The following PARP10 variants were observed in gnomAD, a reference collection of about 807,000 sequenced individuals.
PARP10 encodes protein mono-ADP-ribosyltransferase PARP10.
PARP10 carries 56 observed loss-of-function variants against 82.4 expected under a neutral mutation model. That is an observed-to-expected ratio of 0.68 (90% confidence interval 0.55 to 0.85). The LOEUF (loss-of-function observed/expected upper bound fraction) is 0.85. PARP10 is among the 40% of genes least tolerant of loss of function. The pLI is 0.00. For synonymous variants in PARP10, 576 were observed against 601.1 expected (o/e 0.96, Z 0.61); for missense variants, 1,227 against 1,379.4 (o/e 0.89, Z 1.75).
chr8:143,981,592 A>G (rs1182228454), intron 9 of PARP10, among the ~76,000 whole-genome samples: 64 of 28,382 alleles, frequency 2.3e-3, no homozygotes, highest in African/African-American at 4.2e-3. Flanking sequence ...GGTGGTGGTG[A>G]TGATGGTGGT....
Position 143,985,821 on chromosome 8 carries a change from C to A in PARP10, c.336G>T (p.Leu112Phe). 6.2e-7 allele frequency: 1 copy of A among 1,611,798 alleles called. No homozygotes were observed. The highest frequency in any genetic ancestry group is 8.5e-7 in the Non-Finnish European group (1 of 1,179,570). ...GTACTGGGAGCCCCGAGGCCCGCAG[C>A]AAGGCCTGGACATGCTGCTCCAAGC... ...PQRLEQHVQALLRASGLPVQP... is the reference protein window; with the variant it reads ...PQRLEQHVQAFLRASGLPVQP... The change falls in exon 3 of 11, where the codon TTG becomes TTT. Residue 112 changes from leucine (L) to phenylalanine (F), a missense_variant. By Grantham distance (22) the Leu-to-Phe change is conservative. Transcript: ENST00000313028.
At chr8:143,980,319 CAAAAAAAAAAA>C (rs564801582) in intron 9 of PARP10, among the ~76,000 whole-genome samples, 430 of 16,066 alleles carry the variant, frequency 0.027, 4 homozygotes, top group Non-Finnish European at 0.068. Context: ...GATTCCGTCT[CAAAAAAAAAAA>C]AAAAAAAAAA....
upstream of PARP10, chr8:143,993,293 G>A (rs918860576): frequency 2.0e-5 from 4 of 202,466 alleles, no homozygotes; most frequent in Admixed American, 5.3e-5. Flanking sequence ...GACATGCGGA[G>A]TGGGGGTCTT....
At position 143,984,651 on chromosome 8, in the gene PARP10, C is replaced by T. The variant is rs1554748731; in HGVS notation, c.1351G>A (p.Glu451Lys). The stretch of plus-strand genomic sequence containing the variant: ...TGCAGGAAGCGCATCGCCCCTGGCT[C>T]CATCAATAGCACCATCTCCACCAGG... ...EGLVEMVLLM[E>K]PGAMRFLQLY... Residue 451 changes from glutamate to lysine, a missense_variant, in exon 5 of 11, where the codon GAG becomes AAG. By Grantham distance (56) the Glu-to-Lys change is moderately conservative (BLOSUM62 1). Coordinates refer to ENST00000313028, the MANE Select transcript of PARP10 (RefSeq NM_032789.5). 6.2e-7 allele frequency: 1 copy of T among 1,614,076 alleles called. No homozygotes were observed. Among genetic ancestry groups the T allele is most frequent in the Non-Finnish European group, 8.5e-7 (1 of 1,179,978 alleles).
chr8:144,003,605 C>T (rs1161277048), intron 1 of PARP10, among the ~76,000 whole-genome samples: 1 of 152,128 alleles, frequency 6.6e-6, no homozygotes, highest in Non-Finnish European at 1.5e-5. Flanking sequence ...TGACAGAAAA[C>T]AGTCCCAGGC....
Position 143,983,593 on chromosome 8 carries a change from G to T in PARP10, c.1996C>A (p.Pro666Thr). 6.2e-7 allele frequency: 1 copy of T among 1,605,590 alleles called. No homozygotes were observed. The highest frequency in any genetic ancestry group is 8.5e-7 in the Non-Finnish European group (1 of 1,176,026). ...LQLALHRSLEPQGQVAEQEEA... is the reference protein window; with the variant it reads ...LQLALHRSLETQGQVAEQEEA... ...TCCTGCTCAGCCACCTGACCTTGAG[G>T]CTCCAGTGACCGGTGGAGGGCCAGC... Residue 666 changes from proline (P) to threonine (T), a missense_variant, in exon 8 of 11, where the codon CCT (proline) becomes ACT (threonine). Pro to Thr is a conservative substitution (Grantham distance 38). Coordinates refer to ENST00000313028, the MANE Select transcript of PARP10 (RefSeq NM_032789.5).
At chr8:143,990,894 GC>G (rs1834081290), upstream of PARP10, 1 of 177,044 alleles carries the variant, frequency 5.6e-6, no homozygotes, top group African/African-American at 2.4e-5. This position sits in a 1 kb window ranked among gnomAD's most constrained non-coding sequence, Gnocchi z 5.6. Flanking sequence ...AGCGGCGCAG[GC>G]CTCCGGTTGC....
Position 143,977,595 on chromosome 8 carries a change from G to A in PARP10, c.2967C>T (p.Val989=), listed in dbSNP as rs782290490. ...VDCICQPSIF[V]IFHDTQALPT... ...GCAGCGCCTGGGTGTCGTGGAAGAT[G>A]ACGAAGATGCTGGGCTGGCAGATGC... The change falls in exon 11 of 11, where the codon GTC becomes GTT. Residue 989 remains valine (V), a synonymous_variant. Transcript: ENST00000313028. 3.7e-5 allele frequency: 59 copies of A among 1,582,876 alleles called. No homozygotes were observed. Among genetic ancestry groups the A allele is most frequent in the Non-Finnish European group, 4.6e-5 (54 of 1,165,244 alleles).
chr8:143,979,149 AT>A (rs781823739), intron 9 of PARP10, among the ~76,000 whole-genome samples: 2 of 151,590 alleles, frequency 1.3e-5, no homozygotes, highest in Non-Finnish European at 2.9e-5. Flanking sequence ...TCTTTTTTGT[AT>A]TTTTAGTAGA....
At chr8:143,993,182 A>G, upstream of PARP10, 1 of 317,230 alleles carries the variant, frequency 3.2e-6, no homozygotes, top group Non-Finnish European at 6.0e-6. Flanking sequence ...GGATTGAGCC[A>G]AGAGGTGAGG....
In PARP10 at chr8:143,983,238, T is replaced by C; in HGVS notation, c.2351A>G (p.His784Arg). 1 of 1,613,398 alleles carries C rather than the reference T, an allele frequency of 6.2e-7. No homozygotes were observed. ...GGGGCCAGCCAGAAGTGCCACCAAG[T>C]GGCGGGCAGCACGGGCAGGGTGGGC... ...FGAHPARAARHLVALLAGPWD... is the reference protein window; with the variant it reads ...FGAHPARAARRLVALLAGPWD... Residue 784 changes from histidine to arginine, a missense_variant, in exon 8 of 11, where the codon CAC becomes CGC. By Grantham distance (29) the His-to-Arg change is conservative. Transcript: ENST00000313028.
upstream of PARP10, among the ~76,000 whole-genome samples, chr8:143,988,149 C>CTT (rs370583415): frequency 1.2e-3 from 112 of 91,672 alleles, no homozygotes; most frequent in South Asian, 0.015. Context: ...CTTACTCTGC[C>CTT]TTTTTTTTTT....
upstream of PARP10, among the ~76,000 whole-genome samples, chr8:143,987,582 T>C (rs530361276): frequency 5.3e-5 from 8 of 152,264 alleles, no homozygotes; most frequent in South Asian, 1.7e-3. Context: ...GCTCCCAGCA[T>C]CAGCAACAGT....
At chr8:143,992,926 C>T (rs1834125645), upstream of PARP10, 2 of 1,181,636 alleles carry the variant, frequency 1.7e-6, no homozygotes, top group African/African-American at 1.5e-5. Flanking sequence ...CTGTACTTCC[C>T]CTCTCTCTTG....
At chr8:143,991,830 T>TG (rs782680179), upstream of PARP10, 3 of 1,607,484 alleles carry the variant, frequency 1.9e-6, no homozygotes, top group South Asian at 1.1e-5. Flanking sequence ...TCCAAGGCGG[T>TG]GGGGGCTGTG....
rs782583434 is a variant in PARP10 at position 143,983,615 on chromosome 8, C to A, written c.1974G>T (p.Leu658=). 2.5e-6 allele frequency: 4 copies of A among 1,604,198 alleles called. No individual in the cohort carries two copies. The highest frequency in any genetic ancestry group is 2.2e-5 in the South Asian group (2 of 89,504). ...RWLEEEAALQ[L]ALHRSLEPQG... ...GAGGCTCCAGTGACCGGTGGAGGGC[C>A]AGCTGCAGAGCGGCCTCCTCCTCCA... Residue 658 remains leucine (L), a synonymous_variant, in exon 8 of 11, where the codon CTG becomes CTT. Transcript: ENST00000313028.
At chr8:143,986,746 TAAACCCACC>T (rs1444184178), upstream of PARP10, 1 of 358,828 alleles carries the variant, frequency 2.8e-6, no homozygotes, top group Non-Finnish European at 5.2e-6. Flanking sequence ...CCCGCCCCAC[TAAACCCACC>T]AAGGGGCCTG....
rs1554748584 is a variant in PARP10, at chr8:143,984,290, G to T, written c.1600C>A (p.Gln534Lys). The change falls in exon 6 of 11, where the codon CAG becomes AAG. Residue 534 changes from glutamine to lysine, a missense_variant. Coordinates refer to ENST00000313028, the MANE Select transcript of PARP10 (RefSeq NM_032789.5). ...LLGPEGQHLL[Q>K]GLEAQFQCVF... The stretch of plus-strand genomic sequence containing the variant: ...CACTGGAACTGAGCCTCCAGCCCCT[G>T]GAGAAGGTGCTGCCCTTCTGGGCCC... 3 of 1,614,068 alleles carry T rather than the reference G, an allele frequency of 1.9e-6. No homozygotes were observed. Among genetic ancestry groups the T allele is most frequent in the Non-Finnish European group, 2.5e-6 (3 of 1,180,008 alleles).
rs533456425 is a variant in PARP10, at chr8:143,977,968, C to A, written c.2670G>T (p.Thr890=). ...PVEQVLYHGT[T]APAVPDICAH... ...CGCAGATGTCAGGCACTGCCGGTGC[C>A]GTCGTGCCGTGGTACAGCACCTGCT... The change falls in exon 10 of 11, where the codon ACG becomes ACT. Residue 890 remains threonine (T), a synonymous_variant. Coordinates refer to ENST00000313028, the MANE Select transcript of PARP10 (RefSeq NM_032789.5). 6.3e-7 allele frequency: 1 copy of A among 1,599,332 alleles called. No individual in the cohort carries two copies. Among genetic ancestry groups the A allele is most frequent in the South Asian group, 1.1e-5 (1 of 90,784 alleles).
Sources: gnomAD v4.1 joint callset for allele counts (sites outside exome capture counted in the v4.1 genomes callset) on GRCh38, gnomAD v4.1.1 for gene constraint, Gnocchi (gnomAD v3.1) non-coding constraint, MANE v1.5 for transcripts, NCBI Gene and HGNC (gene_info 2026-07-23, HGNC 2026-07-21) for gene names.